The following GRID2 variants were observed in gnomAD, a reference collection of about 807,000 sequenced individuals.
GRID2 encodes glutamate receptor ionotropic, delta-2.
GRID2 carries 33 observed loss-of-function variants against 114.8 expected under a neutral mutation model. The observed-to-expected ratio is 0.29, with a 90% CI of 0.22 to 0.38. GRID2 has a LOEUF of 0.38. Among genes scored for constraint, GRID2 ranks in the 10% least tolerant of loss-of-function variants. The pLI is 1.00. For missense variants in GRID2, 1,184 were observed against 1,257.7 expected (o/e 0.94, Z 0.89); for synonymous variants, 505 against 449.9 (o/e 1.12, Z -1.55).
intron 2 of GRID2, among the ~76,000 whole-genome samples, chr4:92,595,154 G>T (rs1728885865): frequency 6.6e-6 from 1 of 151,742 alleles, no homozygotes; most frequent in Non-Finnish European, 1.5e-5. Flanking sequence ...GAATATAAGG[G>T]CAACATTATA....
intron 9 of GRID2, among the ~76,000 whole-genome samples, chr4:93,409,090 G>A (rs1318047448): frequency 6.6e-6 from 1 of 152,028 alleles, no homozygotes; most frequent in African/African-American, 2.4e-5. Flanking sequence ...CTTTGCTCTG[G>A]AAAATGACTT....
In GRID2 at chr4:92,744,142, C is replaced by G. The variant is rs1263256501; in HGVS notation, c.244+153856C>G. The stretch of plus-strand genomic sequence containing the variant: ...GTTTACCCTGTGTATTTCCAGTCTG[C>G]ATGAGAAAGCAGAACAAGGAGAAAA... On this transcript the variant is annotated intron_variant, in intron 2 of 15. Transcript: ENST00000282020. Among the ~76,000 whole-genome samples, 4 of 151,948 alleles carry G rather than the reference C, an allele frequency of 2.6e-5. No individual in the cohort carries two copies. The East Asian group carries it at 7.7e-4, about 29-fold the overall frequency.
At position 93,177,729 on chromosome 4, in the gene GRID2, C is replaced by G. The variant is rs1469056010; in HGVS notation, c.736-29675C>G. On this transcript the variant is annotated intron_variant, in intron 4 of 15. Coordinates refer to ENST00000282020, the MANE Select transcript of GRID2 (RefSeq NM_001510.4). Reference sequence around the variant, plus strand: ...TCAAATTAAAACTAGGTAGTAAAATCATTTTTCTTTCAAATTTTATCACTA... The same window carrying G: ...TCAAATTAAAACTAGGTAGTAAAATGATTTTTCTTTCAAATTTTATCACTA... 2.0e-5 allele frequency among the ~76,000 whole-genome samples: 3 copies of G among 152,172 alleles called. No individual in the cohort carries two copies. The East Asian group carries it at 5.8e-4, about 29-fold the overall frequency.
At chr4:92,334,178 T>C (rs944560302) in intron 1 of GRID2, among the ~76,000 whole-genome samples, 3 of 152,218 alleles carry the variant, frequency 2.0e-5, no homozygotes, top group Non-Finnish European at 2.9e-5. Context: ...ATTTCTGTCT[T>C]AGACCTCATT....
chr4:93,360,750 AATTCAATTAT>A (rs1359940990), intron 8 of GRID2, among the ~76,000 whole-genome samples: 1 of 136,192 alleles, frequency 7.3e-6, no homozygotes, highest in African/African-American at 3.6e-5. Context: ...TATAATTTGT[AATTCAATTAT>A]ATTATTTATG....
chr4:93,110,870 G>A lies in GRID2; in HGVS notation c.652G>A (p.Glu218Lys), dbSNP rs1161038779. The A allele has an allele frequency of 6.2e-7, 1 of 1,612,394 alleles. No homozygotes were observed. Among genetic ancestry groups the A allele is most frequent in the African/African-American group, 1.3e-5 (1 of 74,894 alleles). Reference protein sequence around the residue: ...ITTLFDTMRIEELNRYRDTLR... With the variant: ...ITTLFDTMRIKELNRYRDTLR... ...CACTCTCTTTGACACCATGAGAATA[G>A]AAGAACTGAATCGCTATCGAGACAC... Residue 218 changes from glutamate to lysine, a missense_variant, in exon 4 of 16, where the codon GAA becomes AAA. Glu to Lys is a moderately conservative substitution (Grantham distance 56). Coordinates refer to ENST00000282020, the MANE Select transcript of GRID2 (RefSeq NM_001510.4).
chr4:93,725,104 G>C (rs568510120), intron 14 of GRID2, among the ~76,000 whole-genome samples: 4 of 152,142 alleles, frequency 2.6e-5, no homozygotes, highest in Admixed American at 6.5e-5. Context: ...ATTTACATTA[G>C]GTATATCTCC....
chr4:93,478,495 T>G (rs1467106126), intron 11 of GRID2, among the ~76,000 whole-genome samples: 1 of 151,770 alleles, frequency 6.6e-6, no homozygotes. Flanking sequence ...AGAACATTCT[T>G]ATTTTAAGTA....
At chr4:92,813,904 C>G (rs780371465) in intron 2 of GRID2, among the ~76,000 whole-genome samples, 2 of 152,132 alleles carry the variant, frequency 1.3e-5, no homozygotes, top group Non-Finnish European at 2.9e-5. Flanking sequence ...CCATATATTT[C>G]TAGCCTAATT....
chr4:92,317,657 C>T (rs1726066689), intron 1 of GRID2, among the ~76,000 whole-genome samples: 1 of 152,208 alleles, frequency 6.6e-6, no homozygotes. Flanking sequence ...CAGTCCCTGA[C>T]TGCTCGTATG....
intron 14 of GRID2, among the ~76,000 whole-genome samples, chr4:93,658,219 A>G (rs1723184754): frequency 6.6e-6 from 1 of 152,220 alleles, no homozygotes; most frequent in South Asian, 2.1e-4. Context: ...CAATGACTTT[A>G]GCTGGTAGGT....
intron 3 of GRID2, among the ~76,000 whole-genome samples, chr4:93,085,869 T>C (rs1730291089): frequency 1.3e-5 from 2 of 152,254 alleles, no homozygotes; most frequent in East Asian, 1.9e-4. Flanking sequence ...AATTCTTTAA[T>C]CTTCCAAGGT....
chr4:93,275,902 G>GC (rs1752008430), intron 8 of GRID2, among the ~76,000 whole-genome samples: 1 of 151,500 alleles, frequency 6.6e-6, no homozygotes, highest in East Asian at 1.9e-4. Context: ...AATATTTTCT[G>GC]CCCCCCTCTG....
intron 13 of GRID2, among the ~76,000 whole-genome samples, chr4:93,534,483 T>C (rs961032515): frequency 1.3e-5 from 2 of 152,110 alleles, no homozygotes; most frequent in Non-Finnish European, 2.9e-5. Flanking sequence ...TTAACTGTTC[T>C]AGTATACCCT....
chr4:93,534,110 T>G (rs1254496952), intron 13 of GRID2, among the ~76,000 whole-genome samples: 1 of 152,076 alleles, frequency 6.6e-6, no homozygotes, highest in Non-Finnish European at 1.5e-5. Context: ...TCTCACCATA[T>G]TTGAGTCTTA....
intron 10 of GRID2, among the ~76,000 whole-genome samples, chr4:93,423,703 T>C (rs1191184022): frequency 6.6e-6 from 1 of 152,178 alleles, no homozygotes; most frequent in South Asian, 2.1e-4. Flanking sequence ...TTCTTTCAAT[T>C]CTCAGAAAGG....
At chr4:93,789,858 G>A (rs938708557) in intron 1 of GRID2, among the ~76,000 whole-genome samples, 4 of 152,118 alleles carry the variant, frequency 2.6e-5, no homozygotes, top group Admixed American at 2.0e-4. Flanking sequence ...ACCAATCCAT[G>A]GCCTGTTAGG....
At chr4:93,465,210 A>T (rs1724152251) in intron 11 of GRID2, among the ~76,000 whole-genome samples, 1 of 152,222 alleles carries the variant, frequency 6.6e-6, no homozygotes, top group Admixed American at 6.5e-5. Flanking sequence ...AACTGGGTCA[A>T]ATACATACTA....
At chr4:92,627,710 T>C (rs1730594448) in intron 2 of GRID2, among the ~76,000 whole-genome samples, 1 of 152,204 alleles carries the variant, frequency 6.6e-6, no homozygotes, top group Non-Finnish European at 1.5e-5. Context: ...TTTCTCATTC[T>C]TCTAAAAGTA....
Sources: gnomAD v4.1 joint callset for allele counts (sites outside exome capture counted in the v4.1 genomes callset) on GRCh38, gnomAD v4.1.1 for gene constraint, MANE v1.5 for transcripts, NCBI Gene and HGNC (gene_info 2026-07-23, HGNC 2026-07-21) for gene names.